The following MCFD2 variants were observed in gnomAD, a reference collection of about 807,000 sequenced individuals.
The protein encoded by MCFD2 is multiple coagulation factor deficiency protein 2.
Under a neutral mutation model 12.8 loss-of-function variants are expected in MCFD2, and 11 were observed. That is an observed-to-expected ratio of 0.86 (90% confidence interval 0.54 to 1.42). The LOEUF (loss-of-function observed/expected upper bound fraction) is 1.42. Among genes scored for constraint, MCFD2 ranks in the 40% most tolerant of loss-of-function variants. The pLI, the probability that MCFD2 is intolerant of heterozygous loss-of-function variation, is 0.00. For synonymous variants in MCFD2, 70 were observed against 68.1 expected (o/e 1.03, Z -0.14); for missense variants, 191 against 178.6 (o/e 1.07, Z -0.40).
Position 46,907,124 on chromosome 2 carries a change from T to C in MCFD2, c.309+686A>G, listed in dbSNP as rs1337350795. ...CATACAGTATCACACAAGCCCTCAA[T>C]TACTGCCACGTCCCTGAATCCCTTG... On this transcript the variant is annotated intron_variant, in intron 3 of 3. Transcript: ENST00000319466. This position sits in a 1 kb window ranked among gnomAD's most constrained non-coding sequence, Gnocchi z 4.1. 1 of 156,198 alleles carries C rather than the reference T, an allele frequency of 6.4e-6. No homozygotes were observed. The highest frequency in any genetic ancestry group is 1.4e-5 in the Non-Finnish European group (1 of 70,742). 9.7% of individuals were successfully genotyped at this position (156,198 alleles called of 1,614,324 possible).
rs147684769 is a variant in MCFD2, at chr2:46,928,847, G to C, written c.-8+12725C>G. ...ATGCAGTTACACCAGAGGGGTAGGG[G>C]GGGAAGCTTTAAAAGCCACATTTAT... On this transcript the variant is annotated intron_variant, in intron 1 of 2. Coordinates refer to the MCFD2 transcript ENST00000409147. 5.4e-3 allele frequency among the ~76,000 whole-genome samples: 829 copies of C among 152,266 alleles called. 14 individuals are homozygous for C. Among genetic ancestry groups the C allele is most frequent in the African/African-American group, 0.018 (764 of 41,554 alleles).
At chr2:46,922,681 A>G (rs1345429364) in intron 1 of MCFD2, among the ~76,000 whole-genome samples, 2 of 151,950 alleles carry the variant, frequency 1.3e-5, no homozygotes, top group Non-Finnish European at 2.9e-5. Flanking sequence ...AGTTTCTCCC[A>G]TTCTCTCACT....
At chr2:46,921,743 C>G (rs1261186561) in intron 1 of MCFD2, among the ~76,000 whole-genome samples, 1 of 152,214 alleles carries the variant, frequency 6.6e-6, no homozygotes, top group Admixed American at 6.5e-5. Flanking sequence ...CAAAATGAAA[C>G]TGTTCTACCT....
Position 46,908,400 on chromosome 2 carries a change from A to G in MCFD2, c.150-431T>C, listed in dbSNP as rs558318154. On this transcript the variant is annotated intron_variant, in intron 2 of 3. Transcript: ENST00000319466. This position sits in a 1 kb window ranked among gnomAD's most constrained non-coding sequence, Gnocchi z 4.5. Reference sequence around the variant, plus strand: ...TTCAGCCCCCCAAGTAGCTGGGACCATAGGCATGTACTGCCACATCCAGCT... The same window carrying G: ...TTCAGCCCCCCAAGTAGCTGGGACCGTAGGCATGTACTGCCACATCCAGCT... 7.2e-5 allele frequency: 22 copies of G among 303,602 alleles called. No homozygotes were observed. In the East Asian group the frequency reaches 1.4e-3, roughly 19 times the overall value. The allele number at this position is 303,602 out of a possible 1,614,324, so 18.8% of individuals were successfully genotyped here. A position where few individuals can be genotyped will look rare whatever the true frequency, so the allele number is the denominator to read the frequency against.
intron 3 of MCFD2, among the ~76,000 whole-genome samples, chr2:46,906,198 C>G (rs770347776): frequency 1.3e-5 from 2 of 152,168 alleles, no homozygotes; most frequent in African/African-American, 2.4e-5. Flanking sequence ...CCTGTCACCA[C>G]CACTATCCTC....
chr2:46,915,624 C>T, intron 1 of MCFD2, 99 bp downstream of exon 1: 1 of 330,030 alleles, frequency 3.0e-6, no homozygotes. Context: ...AGCCCGCGCC[C>T]CCAGACTACT....
intron 3 of MCFD2, 101 bp from the exon 4 acceptor site, chr2:46,905,695 T>TAAAAAA (rs59068176): frequency 3.1e-4 from 156 of 508,744 alleles, no homozygotes; most frequent in South Asian, 5.9e-4. Context: ...CACTGTTTAT[T>TAAAAAA]AAAAAAAAAA....
At position 46,909,057 on chromosome 2, in the gene MCFD2, T is replaced by C. The variant is rs757163409; in HGVS notation, c.115A>G (p.Met39Val). ...TGCACTGTGTTCTTATCCAGGCCCA[T>C]GCTGCCGGGTTGGGAGAAGCTGGCT... Reference protein sequence around the residue: ...PAASFSQPGSMGLDKNTVHDQ... With the variant: ...PAASFSQPGSVGLDKNTVHDQ... The change falls in exon 2 of 4, where the codon ATG (methionine) becomes GTG (valine). Residue 39 changes from methionine to valine, a missense_variant. Met to Val is a conservative substitution (Grantham distance 21). Coordinates refer to ENST00000319466, the MANE Select transcript of MCFD2 (RefSeq NM_139279.6). 1.9e-6 allele frequency: 3 copies of C among 1,614,226 alleles called. No individual in the cohort carries two copies. The highest frequency in any genetic ancestry group is 1.1e-5 in the South Asian group (1 of 91,090).
At position 46,929,145 on chromosome 2, in the gene MCFD2, T is replaced by C. The variant is rs115878426; in HGVS notation, c.-8+12427A>G. On this transcript the variant is annotated intron_variant, in intron 1 of 2. Coordinates refer to the MCFD2 transcript ENST00000409147. ...ACCACTGCACCCCAGCCTGGGGCAA[T>C]AGAGTGGGACTCTGTCCCAAAAAAA... Among the ~76,000 whole-genome samples the C allele has an allele frequency of 4.2e-3, 633 of 151,724 alleles. 3 individuals are homozygous for C. The highest frequency in any genetic ancestry group is 0.015 in the African/African-American group (607 of 41,364).
chr2:46,926,065 T>C (rs1669368096), intron 1 of MCFD2, among the ~76,000 whole-genome samples: 2 of 152,180 alleles, frequency 1.3e-5, no homozygotes, highest in Non-Finnish European at 1.5e-5. Context: ...TAGTCTCTTA[T>C]TTCTGTGTCT....
At chr2:46,905,916 T>A in intron 3 of MCFD2, 1 of 491,008 alleles carries the variant, frequency 2.0e-6, no homozygotes, top group Non-Finnish European at 4.2e-6. Context: ...TGTTTCATTA[T>A]GGCTCATTCT....
intron 1 of MCFD2, among the ~76,000 whole-genome samples, chr2:46,910,167 A>G (rs186090074): frequency 1.3e-5 from 2 of 152,326 alleles, no homozygotes. Context: ...TGTGGTCAAT[A>G]AGATGACAGT....
chr2:46,931,576 A>G (rs1669705615), intron 1 of MCFD2, among the ~76,000 whole-genome samples: 1 of 152,146 alleles, frequency 6.6e-6, no homozygotes, highest in Non-Finnish European at 1.5e-5. Flanking sequence ...ATGAGCTTTG[A>G]AGATGTAGAA....
At chr2:46,915,455 C>T (rs1668690589) in intron 1 of MCFD2, among the ~76,000 whole-genome samples, 1 of 152,182 alleles carries the variant, frequency 6.6e-6, no homozygotes, top group Non-Finnish European at 1.5e-5. Flanking sequence ...GCTGGTCCCA[C>T]AGGCCGATCC....
intron 1 of MCFD2, among the ~76,000 whole-genome samples, chr2:46,930,607 C>T (rs1328921478): frequency 6.6e-6 from 1 of 151,162 alleles, no homozygotes; most frequent in Non-Finnish European, 1.5e-5. Context: ...TCAAGCGATT[C>T]TCCTGCCTCA....
chr2:46,930,561 G>A (rs536239760), intron 1 of MCFD2, among the ~76,000 whole-genome samples: 41 of 149,076 alleles, frequency 2.8e-4, no homozygotes, highest in African/African-American at 6.7e-4. Flanking sequence ...ATGCAGTGGC[G>A]CGATCTTGGC....
In MCFD2 at chr2:46,907,794, C is replaced by G. The variant is rs747979718; in HGVS notation, c.309+16G>C. 9 of 1,613,798 alleles carry G rather than the reference C, an allele frequency of 5.6e-6. No individual in the cohort carries two copies. In the East Asian group the frequency reaches 2.0e-4, roughly 36 times the overall value. Reference sequence around the variant, plus strand: ...CCTTTCTGTGATACAGTCCCCCAAGCCACTGCCAGACCTACCTCCTTATGG... The same window carrying G: ...CCTTTCTGTGATACAGTCCCCCAAGGCACTGCCAGACCTACCTCCTTATGG... On this transcript the variant is annotated intron_variant, in intron 3 of 3. Coordinates refer to ENST00000319466, the MANE Select transcript of MCFD2 (RefSeq NM_139279.6). This position sits in a 1 kb window ranked among gnomAD's most constrained non-coding sequence, Gnocchi z 4.1.
At chr2:46,924,650 A>C (rs187540020) in intron 1 of MCFD2, among the ~76,000 whole-genome samples, 1 of 151,916 alleles carries the variant, frequency 6.6e-6, no homozygotes, top group Admixed American at 6.6e-5. Context: ...CCCTGGAGAT[A>C]GGGTCTTGCT....
intron 1 of MCFD2, among the ~76,000 whole-genome samples, chr2:46,935,016 G>T (rs1168824955): frequency 6.6e-6 from 1 of 151,780 alleles, no homozygotes; most frequent in East Asian, 1.9e-4. Flanking sequence ...GGCCAGGATG[G>T]TCTTGATATC....
Sources: gnomAD v4.1 joint callset for allele counts (sites outside exome capture counted in the v4.1 genomes callset) on GRCh38, gnomAD v4.1.1 for gene constraint, Gnocchi (gnomAD v3.1) non-coding constraint, MANE v1.5 for transcripts, NCBI Gene and HGNC (gene_info 2026-07-23, HGNC 2026-07-21) for gene names.